The following MCC variants were observed in gnomAD, a reference collection of about 807,000 sequenced individuals.
MCC encodes the protein colorectal mutant cancer protein.
A neutral mutation model predicts 116.2 loss-of-function variants in MCC; 90 were observed. The ratio of observed to expected loss-of-function variants is 0.77; its 90% CI spans 0.65 to 0.92. The LOEUF is 0.92. MCC is among the 40% of genes least tolerant of loss of function. MCC has a pLI of 0.00. For missense variants in MCC, 1,516 were observed against 1,312.2 expected (o/e 1.16, Z -2.40); for synonymous variants, 578 against 510.5 (o/e 1.13, Z -1.78).
chr5:113,369,164 G>A (rs1768777000), intron 2 of MCC, among the ~76,000 whole-genome samples: 1 of 151,630 alleles, frequency 6.6e-6, no homozygotes, highest in African/African-American at 2.4e-5. Flanking sequence ...GATTATCACT[G>A]ACCATTGGTG....
chr5:113,270,002 G>A (rs1765552132), intron 3 of MCC, among the ~76,000 whole-genome samples: 1 of 152,214 alleles, frequency 6.6e-6, no homozygotes. Flanking sequence ...AGAAGGAAGA[G>A]AGAATAAGAA....
chr5:113,351,614 A>G lies in MCC; in HGVS notation c.416-10884T>C, dbSNP rs374836302. 2.6e-4 allele frequency among the ~76,000 whole-genome samples: 40 copies of G among 152,292 alleles called. No individual in the cohort carries two copies. In the East Asian group the frequency reaches 6.4e-3, roughly 24 times the overall value. On this transcript the variant is annotated intron_variant, in intron 2 of 18. Coordinates refer to ENST00000408903, the MANE Select transcript of MCC (RefSeq NM_001085377.2). ...ACAAAAAAATAGTTAGAAAGAATGA[A>G]TAAGACCTACTGTTTGCTAGCAGAA...
intron 5 of MCC, among the ~76,000 whole-genome samples, chr5:113,134,191 G>A (rs1276026611): frequency 6.6e-6 from 1 of 152,192 alleles, no homozygotes; most frequent in Non-Finnish European, 1.5e-5. Context: ...TTTTCTCTGA[G>A]TAGTTTGATA....
chr5:113,102,072 A>G, intron 7 of MCC, 127 bp from the exon 8 acceptor site: 1 of 866,688 alleles, frequency 1.2e-6, no homozygotes, highest in Non-Finnish European at 1.8e-6. Flanking sequence ...TGTTATAAAT[A>G]GTGATCATGA....
chr5:113,107,309 C>CCGGGTT (rs946157995), intron 6 of MCC, among the ~76,000 whole-genome samples: 6 of 151,614 alleles, frequency 4.0e-5, no homozygotes, highest in African/African-American at 1.5e-4. Flanking sequence ...CCTCCACCTC[C>CCGGGTT]CGGGTTCAAG....
At chr5:113,238,728 A>G (rs1473065680) in intron 3 of MCC, among the ~76,000 whole-genome samples, 2 of 152,228 alleles carry the variant, frequency 1.3e-5, no homozygotes, top group Admixed American at 6.5e-5. Flanking sequence ...AAAGACTGCA[A>G]TTCCATTCTT....
chr5:113,256,256 GCCTAT>G (rs995431913), intron 3 of MCC, among the ~76,000 whole-genome samples: 5 of 152,160 alleles, frequency 3.3e-5, no homozygotes, highest in African/African-American at 1.2e-4. Flanking sequence ...CTGAATTGAA[GCCTAT>G]CCTCATCCCA....
chr5:113,329,129 T>C (rs1767634623), intron 3 of MCC, among the ~76,000 whole-genome samples: 1 of 152,172 alleles, frequency 6.6e-6, no homozygotes. Context: ...CAGCATAAAG[T>C]TGTGAGGATT....
intron 3 of MCC, among the ~76,000 whole-genome samples, chr5:113,218,811 T>C (rs943827908): frequency 6.6e-6 from 1 of 151,550 alleles, no homozygotes. Flanking sequence ...TCCTCAGTTT[T>C]AAATTTTTAG....
chr5:113,357,610 G>T (rs922989244), intron 2 of MCC, among the ~76,000 whole-genome samples: 2 of 152,206 alleles, frequency 1.3e-5, no homozygotes, highest in African/African-American at 2.4e-5. Context: ...GCAGCTTCCC[G>T]ATAAGATCTC....
At chr5:113,194,056 A>T (rs1214457535) in intron 3 of MCC, among the ~76,000 whole-genome samples, 1 of 152,222 alleles carries the variant, frequency 6.6e-6, no homozygotes, top group Non-Finnish European at 1.5e-5. Flanking sequence ...CTGAAGAAAC[A>T]GCACTTGGGA....
intron 1 of MCC, among the ~76,000 whole-genome samples, chr5:113,451,509 C>T (rs1435569227): frequency 3.3e-5 from 5 of 152,038 alleles, no homozygotes; most frequent in African/African-American, 4.8e-5. Context: ...CCGAGGCGGG[C>T]GGATCACCTG....
chr5:113,051,164 T>G (rs1233459529), intron 15 of MCC, among the ~76,000 whole-genome samples: 2 of 152,004 alleles, frequency 1.3e-5, no homozygotes, highest in African/African-American at 4.8e-5. Flanking sequence ...ATAGAACCAC[T>G]CTGTAGGGAC....
intron 2 of MCC, among the ~76,000 whole-genome samples, chr5:113,354,457 C>A (rs1768359870): frequency 7.3e-6 from 1 of 136,572 alleles, no homozygotes; most frequent in African/African-American, 2.9e-5. Flanking sequence ...TTTTCTGAGA[C>A]AGAGTCTTGC....
intron 3 of MCC, among the ~76,000 whole-genome samples, chr5:113,324,332 T>C (rs6877524): frequency 0.16 from 24,168 of 152,224 alleles, 2,651 homozygotes; most frequent in Admixed American, 0.29. Context: ...TTTAAAAATA[T>C]ATAATTTTTA....
intron 3 of MCC, among the ~76,000 whole-genome samples, chr5:113,333,090 G>A (rs1015015945): frequency 6.6e-6 from 1 of 151,412 alleles, no homozygotes; most frequent in Non-Finnish European, 1.5e-5. Context: ...GAAAAAAGGG[G>A]GAAACAAACC....
At chr5:113,372,349 C>G (rs534017409) in intron 2 of MCC, among the ~76,000 whole-genome samples, 1 of 152,294 alleles carries the variant, frequency 6.6e-6, no homozygotes, top group African/African-American at 2.4e-5. Flanking sequence ...CCAGTTTGTA[C>G]TACTTGAGAC....
chr5:113,472,672 CT>C, intron 1 of MCC, among the ~76,000 whole-genome samples: 1 of 152,150 alleles, frequency 6.6e-6, no homozygotes, highest in African/African-American at 2.4e-5. Context: ...CAAATTATTC[CT>C]TTTAGAGAAG....
intron 3 of MCC, among the ~76,000 whole-genome samples, chr5:113,215,912 C>G (rs1450875915): frequency 6.6e-6 from 1 of 152,136 alleles, no homozygotes; most frequent in East Asian, 1.9e-4. Flanking sequence ...CTGGAATGAC[C>G]ACACTCTGAT....
Sources: gnomAD v4.1 joint callset for allele counts (sites outside exome capture counted in the v4.1 genomes callset) on GRCh38, gnomAD v4.1.1 for gene constraint, MANE v1.5 for transcripts, NCBI Gene and HGNC (gene_info 2026-07-23, HGNC 2026-07-21) for gene names.